FAM193A: variants seen among roughly 807,000 people sequenced by gnomAD.
FAM193A encodes the protein protein FAM193A.
Under a neutral mutation model 126.5 loss-of-function variants are expected in FAM193A, and 22 were observed. The observed-to-expected ratio is 0.17, with a 90% confidence interval of 0.12 to 0.25. The LOEUF (loss-of-function observed/expected upper bound fraction) is 0.25, where lower values mean the gene tolerates loss of function less well. Ranked by LOEUF, FAM193A falls within the 10% of genes least tolerant of loss-of-function variation. FAM193A has a pLI of 1.00. For synonymous variants in FAM193A, 761 were observed against 646.8 expected, an observed-to-expected ratio of 1.18 and a Z score of -2.68; for missense variants, 1,675 against 1,672.8, an observed-to-expected ratio of 1.00 and a Z score of -0.02.
At chr4:2,585,454 T>G (rs74573385) in intron 1 of FAM193A, among the ~76,000 whole-genome samples, 1 of 152,250 alleles carries the variant, frequency 6.6e-6, no homozygotes, top group African/African-American at 2.4e-5. Flanking sequence ...TTAATTTATC[T>G]GTGATATCTG....
intron 1 of FAM193A, among the ~76,000 whole-genome samples, chr4:2,543,530 G>C (rs1027562735): frequency 1.3e-5 from 2 of 151,648 alleles, no homozygotes; most frequent in African/African-American, 4.8e-5. Context: ...GACCCTCCCC[G>C]CCACTGCTCT....
intron 1 of FAM193A, among the ~76,000 whole-genome samples, chr4:2,542,707 G>C (rs1737304490): frequency 6.6e-6 from 1 of 152,176 alleles, no homozygotes; most frequent in Non-Finnish European, 1.5e-5. Flanking sequence ...ATGGTTCCCA[G>C]GGAGGCTTTC....
chr4:2,632,971 C>G (rs1317856837), intron 5 of FAM193A, among the ~76,000 whole-genome samples: 1 of 152,194 alleles, frequency 6.6e-6, no homozygotes, highest in Non-Finnish European at 1.5e-5. Context: ...TGTTGCTGCT[C>G]TCCAGAAAAT....
chr4:2,690,958 C>T lies in FAM193A; in HGVS notation c.2791C>T (p.Pro931Ser). The change falls in exon 15 of 21, where the codon CCT becomes TCT. Residue 931 changes from proline (P) to serine (S), a missense_variant. By Grantham distance (74) the Pro-to-Ser change is moderately conservative. This residue lies in a region of FAM193A where 1,186 missense variants were observed against 1,109.2 expected (regional missense o/e 1.07). Transcript: ENST00000637812. The part of the protein sequence containing the change: ...NSQFRVSSKR[P>S]PSVGDVFHGI... ...CCAGTTCAGAGTGTCATCCAAGAGA[C>T]CTCCTTCAGTAGGTAAGGCTTGAAG... 1 of 1,612,812 alleles carries T rather than the reference C, an allele frequency of 6.2e-7. No individual in the cohort carries two copies. Among genetic ancestry groups the T allele is most frequent in the Non-Finnish European group, 8.5e-7 (1 of 1,179,030 alleles).
At chr4:2,638,377 G>A (rs906383509) in intron 5 of FAM193A, among the ~76,000 whole-genome samples, 1 of 152,198 alleles carries the variant, frequency 6.6e-6, no homozygotes, top group Non-Finnish European at 1.5e-5. Context: ...GTGGGTTCCA[G>A]CCTGGGGCTG....
intron 14 of FAM193A, 55 bp from the exon 15 acceptor site, chr4:2,690,642 GT>G: frequency 6.6e-7 from 1 of 1,520,232 alleles, no homozygotes. Context: ...GTCTTTTAGG[GT>G]TTAGCTAAGT....
At chr4:2,595,763 T>C (rs976259887) in intron 1 of FAM193A, among the ~76,000 whole-genome samples, 7 of 152,318 alleles carry the variant, frequency 4.6e-5, no homozygotes, top group African/African-American at 1.7e-4. Flanking sequence ...TCGTTGGTGG[T>C]AACCAGTTCT....
intron 19 of FAM193A, among the ~76,000 whole-genome samples, chr4:2,706,216 A>G (rs1718280884): frequency 6.6e-6 from 1 of 152,250 alleles, no homozygotes; most frequent in South Asian, 2.1e-4. Context: ...TACAAAAACA[A>G]AAATAAATAA....
chr4:2,604,791 C>CTTTTTTTTT (rs869148370), intron 2 of FAM193A, among the ~76,000 whole-genome samples: 4 of 99,672 alleles, frequency 4.0e-5, no homozygotes, highest in African/African-American at 1.3e-4. Context: ...TTTCTTTTTC[C>CTTTTTTTTT]TTTTTTTTTT....
rs1743494809 is a variant in FAM193A, at chr4:2,630,877, C to T, written c.804-58C>T. 3 of 958,794 alleles carry T rather than the reference C, an allele frequency of 3.1e-6. No individual in the cohort carries two copies. In the Admixed American group the frequency reaches 6.2e-5, roughly 20 times the overall value. The allele number at this position is 958,794 out of a possible 1,614,324, so 59.4% of individuals were successfully genotyped here. A position where few individuals can be genotyped will look rare whatever the true frequency, so the allele number is the denominator to read the frequency against. Reference sequence around the variant, plus strand: ...GGGCTTCAGAAAAGATGCTCACTGACATCAGAGCACCCATGGGCCCTGGTG... The same window carrying T: ...GGGCTTCAGAAAAGATGCTCACTGATATCAGAGCACCCATGGGCCCTGGTG... On this transcript the variant is annotated intron_variant, in intron 4 of 20. Coordinates refer to ENST00000637812, the MANE Select transcript of FAM193A (RefSeq NM_001366318.2).
chr4:2,697,942 C>G (rs1436128187), intron 18 of FAM193A, among the ~76,000 whole-genome samples: 1 of 152,244 alleles, frequency 6.6e-6, no homozygotes, highest in Non-Finnish European at 1.5e-5. Context: ...GTACTCTCCA[C>G]CCCAGGCTCT....
At chr4:2,562,414 C>T (rs1738672523) in intron 1 of FAM193A, among the ~76,000 whole-genome samples, 1 of 152,116 alleles carries the variant, frequency 6.6e-6, no homozygotes, top group Non-Finnish European at 1.5e-5. Flanking sequence ...GGCACCACTG[C>T]ACTACAGCAT....
At chr4:2,615,826 T>G (rs184281918) in intron 2 of FAM193A, among the ~76,000 whole-genome samples, 37 of 151,622 alleles carry the variant, frequency 2.4e-4, no homozygotes, top group South Asian at 6.3e-4. Flanking sequence ...CTATTTTATT[T>G]TTTTAGACAG....
At chr4:2,656,904 C>T (rs1395778084) in intron 7 of FAM193A, among the ~76,000 whole-genome samples, 2 of 152,194 alleles carry the variant, frequency 1.3e-5, no homozygotes, top group African/African-American at 2.4e-5. Flanking sequence ...CAGTGGCTCA[C>T]GCTTATAATC....
chr4:2,666,479 C>T (rs988948985), intron 12 of FAM193A, among the ~76,000 whole-genome samples: 5 of 152,114 alleles, frequency 3.3e-5, no homozygotes, highest in African/African-American at 7.2e-5. Flanking sequence ...AGTTTCCTAT[C>T]TTTGTGATGT....
rs537047866 is a variant in FAM193A at position 2,700,224 on chromosome 4, C to G, written c.4052C>G (p.Ala1351Gly). Reference protein sequence around the residue: ...RQTSKASSEPARRPTEPPKAT... With the variant: ...RQTSKASSEPGRRPTEPPKAT... Reference sequence around the variant, plus strand: ...ACCAGCAAGGCCAGCAGCGAGCCAGCGAGGAGGCCCACAGAGCCCCCCAAG... The same window carrying G: ...ACCAGCAAGGCCAGCAGCGAGCCAGGGAGGAGGCCCACAGAGCCCCCCAAG... Residue 1351 changes from alanine to glycine, a missense_variant, in exon 19 of 21, where the codon GCG becomes GGG. By Grantham distance (60) the Ala-to-Gly change is moderately conservative. Coordinates refer to ENST00000637812, the MANE Select transcript of FAM193A (RefSeq NM_001366318.2). 2.0e-5 allele frequency: 33 copies of G among 1,613,826 alleles called. No homozygotes were observed. Among genetic ancestry groups the G allele is most frequent in the Non-Finnish European group, 2.7e-5 (32 of 1,180,002 alleles).
chr4:2,546,339 G>A (rs1737551517), intron 1 of FAM193A, among the ~76,000 whole-genome samples: 2 of 152,018 alleles, frequency 1.3e-5, no homozygotes, highest in South Asian at 2.1e-4. Context: ...TTTAACAACT[G>A]TAGATTCATA....
chr4:2,636,828 A>T (rs190059413), intron 5 of FAM193A, among the ~76,000 whole-genome samples: 141 of 151,924 alleles, frequency 9.3e-4, no homozygotes, highest in African/African-American at 3.3e-3. Context: ...TGCTGTGCAA[A>T]CTCTGCCAGC....
chr4:2,667,979 C>G (rs1013306445), intron 12 of FAM193A, among the ~76,000 whole-genome samples: 2 of 152,184 alleles, frequency 1.3e-5, no homozygotes, highest in Admixed American at 6.5e-5. Context: ...TCATGCCTCA[C>G]TGCAACCTCA....
Sources: allele counts gnomAD v4.1 joint callset (sites outside exome capture counted in the v4.1 genomes callset), GRCh38; gene constraint gnomAD v4.1.1; regional missense constraint gnomAD v4.1.1; transcripts MANE v1.5; gene names NCBI Gene and HGNC (gene_info 2026-07-23, HGNC 2026-07-21).